TCF20: variants seen among roughly 807,000 people sequenced by gnomAD.
TCF20 encodes SPRE-binding protein.
In TCF20, 3 loss-of-function variants were observed where a neutral mutation model predicts 148.6. The observed-to-expected ratio is 0.02, with a 90% confidence interval of 0.01 to 0.05. The LOEUF is 0.05. TCF20 is among the 10% of genes least tolerant of loss of function. TCF20 has a pLI of 1.00. For synonymous variants in TCF20, 1,049 were observed against 909.5 expected, an observed-to-expected ratio of 1.15 and a Z score of -2.76; for missense variants, 2,350 against 2,429.3, an observed-to-expected ratio of 0.97 and a Z score of 0.69.
At chr22:42,171,086 G>C (rs1291628059) in intron 3 of TCF20, among the ~76,000 whole-genome samples, 1 of 152,222 alleles carries the variant, frequency 6.6e-6, no homozygotes, top group Non-Finnish European at 1.5e-5. Flanking sequence ...CAGCATCCTG[G>C]ATGGCAGCAA....
chr22:42,200,218 C>G (rs1048487978), intron 2 of TCF20, among the ~76,000 whole-genome samples: 2 of 152,034 alleles, frequency 1.3e-5, no homozygotes, highest in African/African-American at 4.8e-5. Context: ...TTTCTTCAAC[C>G]CTTCTTTCTG....
At chr22:42,257,360 A>G (rs1388114117) in intron 1 of TCF20, among the ~76,000 whole-genome samples, 1 of 152,260 alleles carries the variant, frequency 6.6e-6, no homozygotes, top group Non-Finnish European at 1.5e-5. Context: ...AGTTTTCTAC[A>G]ACAAATCCAA....
Position 42,161,286 on chromosome 22 carries a change from G to A in TCF20, c.*117C>T, listed in dbSNP as rs1458083049. ...GGCGGGGCGGGGCGGGGCAGGGCAGGGTGTGGCTGCACGGTAGGACGATTT... is the reference window on the plus strand; with the variant it reads ...GGCGGGGCGGGGCGGGGCAGGGCAGAGTGTGGCTGCACGGTAGGACGATTT... On this transcript the variant is annotated 3_prime_UTR_variant, in exon 6 of 6. Coordinates refer to ENST00000677622, the MANE Select transcript of TCF20 (RefSeq NM_001378418.1). The A allele has an allele frequency of 1.3e-5, 21 of 1,611,824 alleles. No homozygotes were observed. The East Asian group carries it at 4.7e-4, about 36-fold the overall frequency.
intron 1 of TCF20, among the ~76,000 whole-genome samples, chr22:42,268,818 CA>C (rs994156688): frequency 1.2e-3 from 181 of 152,196 alleles, no homozygotes; most frequent in African/African-American, 4.1e-3. Flanking sequence ...AGTGGGATTT[CA>C]AAAAAGAGCG....
rs1938305171 is a variant in TCF20 at position 42,205,211 on chromosome 22, C to G, written c.5655+4440G>C. ...TCATACACAATTATACCAAGGCAAACAGTGGTCAATGTTGGACAGAAGCAA... is the reference window on the plus strand; with the variant it reads ...TCATACACAATTATACCAAGGCAAAGAGTGGTCAATGTTGGACAGAAGCAA... On this transcript the variant is annotated intron_variant, in intron 2 of 5. Transcript: ENST00000677622. 2.6e-5 allele frequency among the ~76,000 whole-genome samples: 4 copies of G among 151,192 alleles called. No homozygotes were observed. The South Asian group carries it at 8.3e-4, about 32-fold the overall frequency.
At chr22:42,334,725 C>T (rs530615996) in intron 1 of TCF20, among the ~76,000 whole-genome samples, 3 of 152,356 alleles carry the variant, frequency 2.0e-5, no homozygotes, top group African/African-American at 7.2e-5. Context: ...TAGTCATCCC[C>T]ATTTTACAGA....
chr22:42,234,919 T>C (rs1184243465), intron 1 of TCF20, among the ~76,000 whole-genome samples: 10 of 151,984 alleles, frequency 6.6e-5, no homozygotes, highest in Admixed American at 1.3e-4. Context: ...GGCAGGCGGA[T>C]CACGAGGTCA....
At chr22:42,256,451 T>C (rs534875476) in intron 1 of TCF20, among the ~76,000 whole-genome samples, 76 of 152,190 alleles carry the variant, frequency 5.0e-4, no homozygotes, top group African/African-American at 1.8e-3. Flanking sequence ...TTTCAGCACA[T>C]GCGCTAGCCA....
intron 3 of TCF20, among the ~76,000 whole-genome samples, chr22:42,177,412 T>C (rs1010377914): frequency 1.4e-4 from 21 of 152,034 alleles, no homozygotes; most frequent in Admixed American, 9.8e-4. Context: ...CGAAACTTCG[T>C]CTCAAAAAGA....
chr22:42,200,821 G>A (rs971103750), intron 2 of TCF20, among the ~76,000 whole-genome samples: 5 of 152,042 alleles, frequency 3.3e-5, no homozygotes, highest in African/African-American at 1.2e-4. Context: ...CTTATTTCCT[G>A]AGTTTCCTTT....
chr22:42,273,245 A>G (rs1352164026), upstream of TCF20, among the ~76,000 whole-genome samples: 1 of 151,228 alleles, frequency 6.6e-6, no homozygotes. Context: ...CTGTAATCCC[A>G]GCTACTTGGG....
chr22:42,308,739 T>C (rs1927479571), intron 1 of TCF20, among the ~76,000 whole-genome samples: 1 of 152,124 alleles, frequency 6.6e-6, no homozygotes, highest in Non-Finnish European at 1.5e-5. Context: ...AGAGATGAAG[T>C]GAGGACAGGG....
At chr22:42,181,113 T>A (rs970506299) in intron 2 of TCF20, among the ~76,000 whole-genome samples, 1 of 152,200 alleles carries the variant, frequency 6.6e-6, no homozygotes, top group Non-Finnish European at 1.5e-5. Flanking sequence ...CATCTCAGAA[T>A]CAAAAGGACT....
In TCF20 at chr22:42,213,045, T is replaced by C. The variant is rs762488985; in HGVS notation, c.2261A>G (p.Gln754Arg). 1 of 1,614,148 alleles carries C rather than the reference T, an allele frequency of 6.2e-7. No homozygotes were observed. The highest frequency in any genetic ancestry group is 8.5e-7 in the Non-Finnish European group (1 of 1,180,008). ...GTGGTGGTAACCCTGAAGCACTTCC[T>C]GCAGGAGGCTTGGGAATTTTTCATT... ...GRNEKFPSLL[Q>R]EVLQGYHHHP... The change falls in exon 2 of 6, where the codon CAG becomes CGG. Residue 754 changes from glutamine (Q) to arginine (R), a missense_variant. By Grantham distance (43) the Gln-to-Arg change is conservative (BLOSUM62 1). This residue lies in a region of TCF20 where 1,641 missense variants were observed against 1,662.6 expected (regional missense o/e 0.99). Coordinates refer to ENST00000677622, the MANE Select transcript of TCF20 (RefSeq NM_001378418.1).
At chr22:42,223,705 G>A (rs1922589147) in intron 1 of TCF20, among the ~76,000 whole-genome samples, 1 of 152,164 alleles carries the variant, frequency 6.6e-6, no homozygotes, top group African/African-American at 2.4e-5. Context: ...GAATCTTGAG[G>A]AATCTTGCTA....
At chr22:42,244,490 T>A (rs917612242) in intron 1 of TCF20, among the ~76,000 whole-genome samples, 1 of 152,184 alleles carries the variant, frequency 6.6e-6, no homozygotes, top group Admixed American at 6.5e-5. Flanking sequence ...CAATACAATG[T>A]AGATAAATCT....
intron 1 of TCF20, among the ~76,000 whole-genome samples, chr22:42,226,702 C>G (rs1406973191): frequency 6.6e-6 from 1 of 152,160 alleles, no homozygotes; most frequent in African/African-American, 2.4e-5. Flanking sequence ...GAGTGAGATT[C>G]TGTCTCTTAA....
At chr22:42,305,269 T>C (rs1346413868) in intron 1 of TCF20, among the ~76,000 whole-genome samples, 6 of 152,138 alleles carry the variant, frequency 3.9e-5, no homozygotes, top group Admixed American at 2.6e-4. Flanking sequence ...TAGGCAGTGA[T>C]TGACTACTTC....
chr22:42,244,856 G>A (rs1252229433), intron 1 of TCF20, among the ~76,000 whole-genome samples: 1 of 152,114 alleles, frequency 6.6e-6, no homozygotes, highest in Non-Finnish European at 1.5e-5. Context: ...GAGGCAGGAG[G>A]ATCACTTGAG....
Sources: allele counts gnomAD v4.1 joint callset (sites outside exome capture counted in the v4.1 genomes callset), GRCh38; gene constraint gnomAD v4.1.1; regional missense constraint gnomAD v4.1.1; transcripts MANE v1.5; gene names NCBI Gene and HGNC (gene_info 2026-07-23, HGNC 2026-07-21).